Variants in KYNU observed in about 807,000 individuals in gnomAD.
The protein encoded by KYNU is kynureninase.
Under a neutral mutation model 59.2 loss-of-function variants are expected in KYNU, and 54 were observed. The observed-to-expected ratio is 0.91, with a 90% confidence interval of 0.73 to 1.14. KYNU has a LOEUF of 1.14. Ranked by LOEUF, KYNU falls within the 50% of genes most tolerant of loss-of-function variation. The probability of loss-of-function intolerance (pLI) is 0.00; values close to 1 mark genes in which losing one functional copy is unlikely to be tolerated. For missense variants in KYNU, 567 were observed against 554.4 expected (o/e 1.02, Z -0.23); for synonymous variants, 177 against 192.0 (o/e 0.92, Z 0.65).
rs1177880954 is a variant in KYNU, at chr2:143,043,183, A to G, written c.*1011A>G. 1 of 151,944 alleles carries G rather than the reference A, an allele frequency of 6.6e-6. No individual in the cohort carries two copies. Among genetic ancestry groups the G allele is most frequent in the East Asian group, 1.9e-4 (1 of 5,194 alleles). The allele number at this position is 151,944 out of a possible 1,614,324, so 9.4% of individuals were successfully genotyped here. On this transcript the variant is annotated 3_prime_UTR_variant, in exon 14 of 14. Transcript: ENST00000264170. ...TTAGATATTATATTACTATGTTTCC[A>G]TAGTAAATAAATAACCCCAAGATCT...
At chr2:143,023,264 G>A (rs77099920) in intron 10 of KYNU, among the ~76,000 whole-genome samples, 6,006 of 151,812 alleles carry the variant, frequency 0.04, 278 homozygotes, top group African/African-American at 0.11. Flanking sequence ...AACTTGCCAG[G>A]TAATTGAGTC....
intron 2 of KYNU, among the ~76,000 whole-genome samples, chr2:142,893,128 T>C (rs1005674898): frequency 6.6e-6 from 1 of 152,228 alleles, no homozygotes; most frequent in Non-Finnish European, 1.5e-5. Context: ...AGGGTACAAC[T>C]AGCAGTTGAG....
intron 8 of KYNU, chr2:142,967,356 A>G (rs1684580811): frequency 6.6e-6 from 1 of 152,132 alleles, no homozygotes. Context: ...AAAGAAGACC[A>G]AATTCTGCAA....
intron 2 of KYNU, among the ~76,000 whole-genome samples, chr2:142,905,600 A>T (rs775898758): frequency 4.6e-5 from 7 of 152,226 alleles, no homozygotes; most frequent in Non-Finnish European, 1.0e-4. Context: ...ATACTTTAAG[A>T]TTTTTGAGTT....
chr2:142,917,417 A>G (rs1682700913), intron 2 of KYNU, among the ~76,000 whole-genome samples: 1 of 152,126 alleles, frequency 6.6e-6, no homozygotes, highest in African/African-American at 2.4e-5. Flanking sequence ...CTCAAGCTAT[A>G]AGGAGATTAT....
chr2:142,908,711 T>G (rs2104965182), intron 2 of KYNU, among the ~76,000 whole-genome samples: 4 of 152,226 alleles, frequency 2.6e-5, no homozygotes, highest in Middle Eastern at 6.8e-3. Context: ...CTTGGCTCAC[T>G]GCAAGCTCTG....
intron 3 of KYNU, among the ~76,000 whole-genome samples, chr2:142,927,058 C>T (rs1396722499): frequency 6.6e-6 from 1 of 152,164 alleles, no homozygotes; most frequent in African/African-American, 2.4e-5. Flanking sequence ...CATTTTTCTA[C>T]TATGCCTCCT....
chr2:142,921,403 TTGTTCAGATG>T (rs1198840383), intron 3 of KYNU, among the ~76,000 whole-genome samples: 5 of 152,278 alleles, frequency 3.3e-5, no homozygotes, highest in African/African-American at 1.2e-4. Flanking sequence ...TGGCTGCTCT[TTGTTCAGATG>T]TGTTCAAAGT....
chr2:142,989,181 C>T (rs10496936), intron 10 of KYNU, among the ~76,000 whole-genome samples: 6,276 of 151,936 alleles, frequency 0.041, 185 homozygotes, highest in Middle Eastern at 0.065. Flanking sequence ...TATAGTTCCA[C>T]GGTCAAATCC....
intron 10 of KYNU, among the ~76,000 whole-genome samples, chr2:142,994,007 T>G (rs377055789): frequency 1.2e-3 from 186 of 152,172 alleles, no homozygotes; most frequent in African/African-American, 4.3e-3. Flanking sequence ...AAAGTAAAAC[T>G]TGTCAAAGAG....
intron 10 of KYNU, among the ~76,000 whole-genome samples, chr2:143,027,041 A>G (rs1263442489): frequency 6.6e-6 from 1 of 152,196 alleles, no homozygotes; most frequent in Non-Finnish European, 1.5e-5. Flanking sequence ...AAACAGGGAT[A>G]GAAGTTCTCA....
rs1029515034 is a variant in KYNU at position 142,999,068 on chromosome 2, G to A, written c.902+13047G>A. ...AGCTCTGCCATCTTAGCCTATTCTA[G>A]TCTATCCTAGCCTAGCATTCTGCCA... On this transcript the variant is annotated intron_variant, in intron 10 of 13. Transcript: ENST00000264170. Among the ~76,000 whole-genome samples, 3 of 145,584 alleles carry A rather than the reference G, an allele frequency of 2.1e-5. No individual in the cohort carries two copies. The Admixed American group carries it at 2.1e-4, about 10-fold the overall frequency.
intron 10 of KYNU, among the ~76,000 whole-genome samples, chr2:142,995,881 T>C (rs1685523288): frequency 6.6e-6 from 1 of 152,162 alleles, no homozygotes; most frequent in Admixed American, 6.6e-5. Context: ...CCACTTGTTT[T>C]GATGCATATC....
At chr2:142,957,740 T>C (rs1435192996) in intron 7 of KYNU, 25 bp downstream of exon 7, 1 of 1,382,814 alleles carries the variant, frequency 7.2e-7, no homozygotes, top group Non-Finnish European at 1.0e-6. Context: ...AAGAAATATT[T>C]GTCATGCTTT....
Position 142,956,253 on chromosome 2 carries a change from CA to C in KYNU, c.489del (p.Ala164ProfsTer26), listed in dbSNP as rs752269711. 4.0e-5 allele frequency: 64 copies of C among 1,602,004 alleles called. No individual in the cohort carries two copies. Among genetic ancestry groups the C allele is most frequent in the Non-Finnish European group, 5.3e-5 (62 of 1,169,822 alleles). The part of the protein sequence containing the change: ...PKRYKILLEA[K>X]AFPSDHYAIE... ...AACGATATAAAATTCTTCTAGAAGC[CA>C]AAGCCTTCCCTTCTGATCATGTAAG... On this transcript the variant is annotated frameshift_variant, in exon 6 of 14. Transcript: ENST00000264170. LOFTEE classifies it high-confidence loss of function.
chr2:142,947,435 GA>G, intron 4 of KYNU: 1 of 489,466 alleles, frequency 2.0e-6, no homozygotes, highest in Non-Finnish European at 3.6e-6. Context: ...CGCTTCCCTG[GA>G]TATTGCTGTT....
chr2:142,997,207 A>T (rs909213088), intron 10 of KYNU, among the ~76,000 whole-genome samples: 11 of 152,204 alleles, frequency 7.2e-5, no homozygotes, highest in Non-Finnish European at 1.6e-4. Flanking sequence ...TATCAAAGTT[A>T]TTTAAATGGA....
chr2:142,955,856 G>A (rs112880985), intron 5 of KYNU, among the ~76,000 whole-genome samples: 1 of 152,042 alleles, frequency 6.6e-6, no homozygotes, highest in South Asian at 2.1e-4. Context: ...ACCATGAAAT[G>A]CTTTGGGAAG....
intron 10 of KYNU, among the ~76,000 whole-genome samples, chr2:143,019,940 A>G (rs1260391831): frequency 2.0e-5 from 3 of 151,720 alleles, no homozygotes; most frequent in African/African-American, 7.3e-5. Context: ...ATAGTCTGTA[A>G]TTATCCTTTG....
Sources: allele counts gnomAD v4.1 joint callset (sites outside exome capture counted in the v4.1 genomes callset), GRCh38; gene constraint gnomAD v4.1.1; transcripts MANE v1.5; gene names NCBI Gene and HGNC (gene_info 2026-07-23, HGNC 2026-07-21).